MLLT6: variants seen among roughly 807,000 people sequenced by gnomAD.
The protein encoded by MLLT6 is MLLT6, PHD finger containing.
Under a neutral mutation model 103.0 loss-of-function variants are expected in MLLT6, and 22 were observed. The observed-to-expected ratio is 0.21, with a 90% CI of 0.15 to 0.31. The LOEUF (loss-of-function observed/expected upper bound fraction) is 0.31, where lower values mean the gene tolerates loss of function less well. Among genes scored for constraint, MLLT6 ranks in the 10% least tolerant of loss-of-function variants. The pLI is 1.00. For synonymous variants in MLLT6, 606 were observed against 623.5 expected (o/e 0.97, Z 0.42); for missense variants, 1,199 against 1,441.7 (o/e 0.83, Z 2.73).
At position 38,727,450 on chromosome 17, in the gene MLLT6, T is replaced by C; in HGVS notation, c.*1852T>C. The C allele has an allele frequency of 4.5e-6, 1 of 224,456 alleles. No homozygotes were observed. The highest frequency in any genetic ancestry group is 8.9e-6 in the Non-Finnish European group (1 of 112,494). The allele number at this position is 224,456 out of a possible 1,614,324, so 13.9% of individuals were successfully genotyped here. On this transcript the variant is annotated 3_prime_UTR_variant, in exon 20 of 20. Coordinates refer to ENST00000621332, the MANE Select transcript of MLLT6 (RefSeq NM_005937.4). ...TAGAAAGAAATGATAGCATTCAGCATTTTATTCTTCTTAATCTATTAAGCT... is the reference window on the plus strand; with the variant it reads ...TAGAAAGAAATGATAGCATTCAGCACTTTATTCTTCTTAATCTATTAAGCT...
Position 38,721,917 on chromosome 17 carries a change from C to A in MLLT6, c.2482C>A (p.Leu828Met). 1 of 1,573,704 alleles carries A rather than the reference C, an allele frequency of 6.4e-7. No individual in the cohort carries two copies. Among genetic ancestry groups the A allele is most frequent in the South Asian group, 1.1e-5 (1 of 87,630 alleles). ...SGCPSRSSSS[L>M]SFHSTPPPLP... ...CTGCCCGAGCCGCAGCAGCTCGTCG[C>A]TGTCCTTCCACAGCACGCCCCCACC... Residue 828 changes from leucine to methionine, a missense_variant, in exon 17 of 20, where the codon CTG (leucine) becomes ATG (methionine). Physicochemically the swap from Leu to Met is conservative, Grantham distance 15 (BLOSUM62 2). Coordinates refer to ENST00000621332, the MANE Select transcript of MLLT6 (RefSeq NM_005937.4).
chr17:38,718,369 C>T (rs1905471632), intron 12 of MLLT6: 1 of 163,570 alleles, frequency 6.1e-6, no homozygotes, highest in Non-Finnish European at 1.3e-5. Context: ...GAGCAAAACT[C>T]CGTCTCAAAA....
chr17:38,720,978 G>A (rs566679180), intron 16 of MLLT6: 1 of 585,226 alleles, frequency 1.7e-6, no homozygotes, highest in African/African-American at 1.9e-5. Flanking sequence ...TCTTAAGATA[G>A]GCTACCCCAA....
At position 38,715,809 on chromosome 17, in the gene MLLT6, G is replaced by T. The variant is rs1163509885; in HGVS notation, c.1017G>T (p.Gly339=). The stretch of plus-strand genomic sequence containing the variant: ...CCTCCTCCTCTTCCTCCTCCTCTGG[G>T]GGGCCCTTCCAGCCTGCAGGTGAGT... ...SSSSSSSSSS[G]GPFQPAVSSL... Residue 339 remains glycine, a synonymous_variant, in exon 9 of 20, where the codon GGG becomes GGT. Coordinates refer to ENST00000621332, the MANE Select transcript of MLLT6 (RefSeq NM_005937.4). 1 of 1,599,276 alleles carries T rather than the reference G, an allele frequency of 6.3e-7. No homozygotes were observed. Among genetic ancestry groups the T allele is most frequent in the South Asian group, 1.1e-5 (1 of 89,034 alleles).
rs1462917751 is a variant in MLLT6 at position 38,719,899 on chromosome 17, A to G, written c.2155+4A>G. The G allele has an allele frequency of 6.4e-7, 1 of 1,573,278 alleles. No individual in the cohort carries two copies. The highest frequency in any genetic ancestry group is 8.6e-7 in the Non-Finnish European group (1 of 1,160,062). Reference sequence around the variant, plus strand: ...GACGGGGAGGCCGGCGTCAACAGTGAGGAGGGGTGGCGCCGGTCGGGACGC... The same window carrying G: ...GACGGGGAGGCCGGCGTCAACAGTGGGGAGGGGTGGCGCCGGTCGGGACGC... On this transcript the variant is annotated splice_donor_region_variant and intron_variant, in intron 14 of 19. Coordinates refer to ENST00000621332, the MANE Select transcript of MLLT6 (RefSeq NM_005937.4).
rs774207745 is a variant in MLLT6 at position 38,712,722 on chromosome 17, A to G, written c.752A>G (p.Lys251Arg). The G allele has an allele frequency of 6.2e-7, 1 of 1,613,870 alleles. No individual in the cohort carries two copies. The highest frequency in any genetic ancestry group is 8.5e-7 in the Non-Finnish European group (1 of 1,179,836). The change falls in exon 8 of 20, where the codon AAG becomes AGG. Residue 251 changes from lysine (K) to arginine (R), a missense_variant. Physicochemically the swap from Lys to Arg is conservative, Grantham distance 26 (BLOSUM62 2). Coordinates refer to ENST00000621332, the MANE Select transcript of MLLT6 (RefSeq NM_005937.4). ...AAGGACAAAGAACGCCTTAAGCAGA[A>G]GCACAAGAAGCGGCCTGAGTCGCCC... ...SRKDKERLKQ[K>R]HKKRPESPPS...
chr17:38,707,903 G>C, intron 4 of MLLT6, 31 bp downstream of exon 4: 1 of 1,354,032 alleles, frequency 7.4e-7, no homozygotes, highest in Non-Finnish European at 1.1e-6. Flanking sequence ...TCCCCTACCA[G>C]TTCCCTCCCA....
chr17:38,725,668 G>C lies in MLLT6; in HGVS notation c.*70G>C. ...TCCTGGCCTGAGGGGTCCTAGCCTG[G>C]AGCAGGCGCCTGCGCCCAGACCCTG... On this transcript the variant is annotated 3_prime_UTR_variant, in exon 20 of 20. Transcript: ENST00000621332. The C allele has an allele frequency of 7.4e-7, 1 of 1,360,178 alleles. No individual in the cohort carries two copies. The highest frequency in any genetic ancestry group is 1.3e-5 in the South Asian group (1 of 75,910). 84.3% of individuals were successfully genotyped at this position (1,360,178 alleles called of 1,614,324 possible).
At position 38,728,627 on chromosome 17, in the gene MLLT6, AG is replaced by A. The variant is rs1329152445; in HGVS notation, c.*3030del. The A allele has an allele frequency of 1.3e-5, 3 of 233,758 alleles. No individual in the cohort carries two copies. Among genetic ancestry groups the A allele is most frequent in the Non-Finnish European group, 2.5e-5 (3 of 118,222 alleles). 14.5% of individuals were successfully genotyped at this position (233,758 alleles called of 1,614,324 possible). A position where few individuals can be genotyped will look rare whatever the true frequency, so the allele number is the denominator to read the frequency against. ...CCTGTCTTTAGGGGTCATTTCAGCC[AG>A]CTCCTCCCATCACAGATGACAGCTC... On this transcript the variant is annotated 3_prime_UTR_variant, in exon 20 of 20. Coordinates refer to ENST00000621332, the MANE Select transcript of MLLT6 (RefSeq NM_005937.4).
In MLLT6 at chr17:38,711,971, A is replaced by G. The variant is rs749876780; in HGVS notation, c.677A>G (p.Gln226Arg). ...AGCCGGTCAGCCTCACCATCCACGCAGCAGGAGAAGCACCCCACCCACCAC... is the reference window on the plus strand; with the variant it reads ...AGCCGGTCAGCCTCACCATCCACGCGGCAGGAGAAGCACCCCACCCACCAC... Reference protein sequence around the residue: ...RRSRSASPSTQQEKHPTHHER... With the variant: ...RRSRSASPSTRQEKHPTHHER... Residue 226 changes from glutamine to arginine, a missense_variant, in exon 7 of 20, where the codon CAG becomes CGG. Gln to Arg is a conservative substitution (Grantham distance 43). Transcript: ENST00000621332. 15 of 1,606,862 alleles carry G rather than the reference A, an allele frequency of 9.3e-6. No homozygotes were observed. The highest frequency in any genetic ancestry group is 2.2e-5 in the South Asian group (2 of 90,316).
At chr17:38,712,608 T>A in intron 7 of MLLT6, 83 bp from the exon 8 acceptor site, 1 of 886,948 alleles carries the variant, frequency 1.1e-6, no homozygotes, top group Non-Finnish European at 1.9e-6. Flanking sequence ...TAAGGGGGTG[T>A]CAGCTCCCCA....
Position 38,716,253 on chromosome 17 carries a change from G to A in MLLT6, c.1037-114G>A, listed in dbSNP as rs563740328. The A allele has an allele frequency of 8.8e-7, 1 of 1,139,718 alleles. No homozygotes were observed. The highest frequency in any genetic ancestry group is 2.6e-5 in the Admixed American group (1 of 38,942). 70.6% of individuals were successfully genotyped at this position (1,139,718 alleles called of 1,614,324 possible). On this transcript the variant is annotated intron_variant, in intron 9 of 19. Coordinates refer to ENST00000621332, the MANE Select transcript of MLLT6 (RefSeq NM_005937.4). The surrounding 1 kb of genome is among the most constrained non-coding windows in gnomAD (Gnocchi z 5.6). Reference sequence around the variant, plus strand: ...ACAGACAGTGGCAGAGCTGAGACAGGAAACCAGGCATCCCCATTCGTGGAC... The same window carrying A: ...ACAGACAGTGGCAGAGCTGAGACAGAAAACCAGGCATCCCCATTCGTGGAC...
In MLLT6 at chr17:38,728,001, C is replaced by T. The variant is rs1051962943; in HGVS notation, c.*2403C>T. On this transcript the variant is annotated 3_prime_UTR_variant, in exon 20 of 20. Coordinates refer to ENST00000621332, the MANE Select transcript of MLLT6 (RefSeq NM_005937.4). Reference sequence around the variant, plus strand: ...TGCATTGAAACCAAGACACCCCACCCAGAACACTTCTTCCCTCCCTCAGCC... The same window carrying T: ...TGCATTGAAACCAAGACACCCCACCTAGAACACTTCTTCCCTCCCTCAGCC... The T allele has an allele frequency of 8.6e-6, 2 of 233,126 alleles. No individual in the cohort carries two copies. The highest frequency in any genetic ancestry group is 2.2e-5 in the African/African-American group (1 of 45,340). 14.4% of individuals were successfully genotyped at this position (233,126 alleles called of 1,614,324 possible). A position where few individuals can be genotyped will look rare whatever the true frequency, so the allele number is the denominator to read the frequency against.
At chr17:38,707,562 A>G (rs533728074) in intron 3 of MLLT6, 22 bp downstream of exon 3, 1 of 1,612,734 alleles carries the variant, frequency 6.2e-7, no homozygotes, top group African/African-American at 1.3e-5. Context: ...TCATCTGCTG[A>G]GGTCAGCAGG....
At chr17:38,708,699 C>T (rs912566124) in intron 4 of MLLT6, among the ~76,000 whole-genome samples, 10 of 152,084 alleles carry the variant, frequency 6.6e-5, no homozygotes, top group Non-Finnish European at 1.5e-4. Flanking sequence ...AGTTTGAGAC[C>T]GGCCTGGTCA....
In MLLT6 at chr17:38,711,909, G is replaced by T. The variant is rs145772552; in HGVS notation, c.615G>T (p.Met205Ile). 13 of 1,606,420 alleles carry T rather than the reference G, an allele frequency of 8.1e-6. No individual in the cohort carries two copies. The highest frequency in any genetic ancestry group is 6.7e-5 in the South Asian group (6 of 90,100). Residue 205 changes from methionine (M) to isoleucine (I), a missense_variant, in exon 7 of 20, where the codon ATG becomes ATT. Physicochemically the swap from Met to Ile is conservative, Grantham distance 10 (BLOSUM62 1). Around this residue, in one of 7 missense-constraint regions of MLLT6, gnomAD observed 1,034 missense variants for 1,091.5 expected, o/e 0.95. Coordinates refer to ENST00000621332, the MANE Select transcript of MLLT6 (RefSeq NM_005937.4). ...GCGCTGGAGGAGGAGGTGGCAGCATGGGGGGAGGTGGCAGTGGTTTCATCT... is the reference window on the plus strand; with the variant it reads ...GCGCTGGAGGAGGAGGTGGCAGCATTGGGGGAGGTGGCAGTGGTTTCATCT... ...GGGAGGGGGS[M>I]GGGGSGFISG...
In MLLT6 at chr17:38,729,454, T is replaced by C. The variant is rs1444193621; in HGVS notation, c.*3856T>C. ...TGCCTTCATTCCCCTTTGTTCACTT[T>C]CTCCAGCTCAACTTGGGACTTGGGT... On this transcript the variant is annotated 3_prime_UTR_variant, in exon 20 of 20. Transcript: ENST00000621332. 1.7e-5 allele frequency: 4 copies of C among 233,550 alleles called. No individual in the cohort carries two copies. The South Asian group carries it at 5.4e-4, about 32-fold the overall frequency. The allele number at this position is 233,550 out of a possible 1,614,324, so 14.5% of individuals were successfully genotyped here. A position where few individuals can be genotyped will look rare whatever the true frequency, so the allele number is the denominator to read the frequency against.
chr17:38,717,207 A>G lies in MLLT6; in HGVS notation c.1652-225A>G, dbSNP rs190110098. Reference sequence around the variant, plus strand: ...CAAGTTTTGGGAGGGAGATTAGAAAAGCTAGGAATTCTGTAGCCCTCGGCA... The same window carrying G: ...CAAGTTTTGGGAGGGAGATTAGAAAGGCTAGGAATTCTGTAGCCCTCGGCA... On this transcript the variant is annotated intron_variant, in intron 10 of 19. Transcript: ENST00000621332. 5.8e-4 allele frequency among the ~76,000 whole-genome samples: 89 copies of G among 152,278 alleles called. 1 individual carries two copies. Among genetic ancestry groups the G allele is most frequent in the Non-Finnish European group, 1.1e-3 (75 of 68,022 alleles).
chr17:38,709,414 G>A lies in MLLT6; in HGVS notation c.459-68G>A. On this transcript the variant is annotated intron_variant, in intron 5 of 19. Transcript: ENST00000621332. The surrounding 1 kb of genome is among the most constrained non-coding windows in gnomAD (Gnocchi z 4.3). ...TGGCTTCGCCTCAGCAGGGGGCCAG[G>A]AGGGTGAGAGGAAGGTGGCTCATGT... The A allele has an allele frequency of 6.8e-7, 1 of 1,472,154 alleles. No homozygotes were observed. Among genetic ancestry groups the A allele is most frequent in the Middle Eastern group, 1.7e-4 (1 of 5,778 alleles). The allele number at this position is 1,472,154 out of a possible 1,614,324, so 91.2% of individuals were successfully genotyped here.
Sources: allele counts gnomAD v4.1 joint callset (sites outside exome capture counted in the v4.1 genomes callset), GRCh38; gene constraint gnomAD v4.1.1; regional missense constraint gnomAD v4.1.1; non-coding constraint Gnocchi (gnomAD v3.1); transcripts MANE v1.5; gene names NCBI Gene and HGNC (gene_info 2026-07-23, HGNC 2026-07-21).